RALGAPA2: variants seen among roughly 807,000 people sequenced by gnomAD.
RALGAPA2 encodes the protein ral GTPase-activating protein subunit alpha-2.
Under a neutral mutation model 230.4 loss-of-function variants are expected in RALGAPA2, and 139 were observed. The ratio of observed to expected loss-of-function variants is 0.60; its 90% CI spans 0.53 to 0.69. RALGAPA2 has a LOEUF of 0.69. Ranked by LOEUF, RALGAPA2 falls within the 30% of genes least tolerant of loss-of-function variation. RALGAPA2 has a pLI of 0.00. For synonymous variants in RALGAPA2, 847 were observed against 837.8 expected (o/e 1.01, Z -0.19); for missense variants, 2,163 against 2,276.0 (o/e 0.95, Z 1.01).
At chr20:20,646,371 TTTAACA>T (rs1365382650) in intron 4 of RALGAPA2, among the ~76,000 whole-genome samples, 3 of 152,232 alleles carry the variant, frequency 2.0e-5, no homozygotes, top group Non-Finnish European at 2.9e-5. Flanking sequence ...ATATTTCTAC[TTTAACA>T]TTATCAAGTC....
intron 37 of RALGAPA2, among the ~76,000 whole-genome samples, chr20:20,463,433 G>A (rs2123303879): frequency 6.6e-6 from 1 of 152,212 alleles, no homozygotes; most frequent in South Asian, 2.1e-4. Flanking sequence ...TGAAAACAAA[G>A]GAGCCGTGTG....
At chr20:20,464,094 G>C (rs768969669) in intron 37 of RALGAPA2, among the ~76,000 whole-genome samples, 2 of 152,120 alleles carry the variant, frequency 1.3e-5, no homozygotes, top group African/African-American at 2.4e-5. Flanking sequence ...TTTTGTGCTT[G>C]GTGAGATTTC....
chr20:20,659,335 A>G (rs2067693040), intron 3 of RALGAPA2, among the ~76,000 whole-genome samples: 1 of 152,140 alleles, frequency 6.6e-6, no homozygotes, highest in Non-Finnish European at 1.5e-5. Flanking sequence ...TACTACAATG[A>G]CTCAACTCTT....
chr20:20,480,878 A>C (rs2061757941), intron 36 of RALGAPA2, among the ~76,000 whole-genome samples: 1 of 152,184 alleles, frequency 6.6e-6, no homozygotes, highest in Admixed American at 6.5e-5. Flanking sequence ...CCCTCTCCTA[A>C]CATGATGACC....
intron 24 of RALGAPA2, among the ~76,000 whole-genome samples, chr20:20,541,706 T>C (rs1266124665): frequency 6.6e-6 from 1 of 152,156 alleles, no homozygotes; most frequent in Non-Finnish European, 1.5e-5. Flanking sequence ...CCACTGACTG[T>C]GGTAACTGAT....
intron 23 of RALGAPA2, among the ~76,000 whole-genome samples, chr20:20,566,881 C>T (rs541795029): frequency 1.4e-3 from 211 of 152,294 alleles, no homozygotes; most frequent in African/African-American, 5.0e-3. Flanking sequence ...TATGTTACTT[C>T]AGGGCAGAAC....
intron 35 of RALGAPA2, among the ~76,000 whole-genome samples, chr20:20,496,854 G>A (rs757842074): frequency 3.9e-5 from 6 of 152,114 alleles, no homozygotes; most frequent in Non-Finnish European, 7.4e-5. Context: ...ATACTTCTGG[G>A]AATGACTGTA....
At chr20:20,404,019 G>A (rs1283135896) in intron 38 of RALGAPA2, among the ~76,000 whole-genome samples, 1 of 152,190 alleles carries the variant, frequency 6.6e-6, no homozygotes, top group Non-Finnish European at 1.5e-5. Context: ...AAGGCAAGAG[G>A]AGCCTCTGCG....
intron 1 of RALGAPA2, among the ~76,000 whole-genome samples, chr20:20,681,444 T>C (rs1407267354): frequency 6.6e-6 from 1 of 152,150 alleles, no homozygotes; most frequent in African/African-American, 2.4e-5. Flanking sequence ...TGCGGATAGA[T>C]AGGCGGGGGT....
chr20:20,694,575 G>A (rs2069038028), intron 1 of RALGAPA2, among the ~76,000 whole-genome samples: 1 of 152,214 alleles, frequency 6.6e-6, no homozygotes, highest in African/African-American at 2.4e-5. Context: ...GCATGTGAAG[G>A]CCTGAAACTC....
chr20:20,574,042 T>G (rs887632489), intron 20 of RALGAPA2, among the ~76,000 whole-genome samples: 4 of 152,224 alleles, frequency 2.6e-5, no homozygotes, highest in Non-Finnish European at 5.9e-5. Context: ...CAAAGTGCTG[T>G]TACGGTTTGC....
At chr20:20,673,012 GTC>G (rs1201987216) in intron 3 of RALGAPA2, among the ~76,000 whole-genome samples, 2 of 151,662 alleles carry the variant, frequency 1.3e-5, no homozygotes, top group Non-Finnish European at 2.9e-5. Context: ...GTGAAAACCC[GTC>G]TCTACTAAAA....
chr20:20,497,561 C>T (rs1309147947), intron 35 of RALGAPA2, among the ~76,000 whole-genome samples: 1 of 152,194 alleles, frequency 6.6e-6, no homozygotes, highest in East Asian at 1.9e-4. Context: ...GATGTTGGTG[C>T]TCTAGTATCT....
intron 38 of RALGAPA2, among the ~76,000 whole-genome samples, chr20:20,411,125 G>C (rs1324909823): frequency 6.6e-6 from 1 of 152,116 alleles, no homozygotes; most frequent in Non-Finnish European, 1.5e-5. Context: ...AGAGACAATT[G>C]ACACAGGTTA....
At chr20:20,701,311 CTAAA>C (rs2069350505) in intron 1 of RALGAPA2, among the ~76,000 whole-genome samples, 2 of 150,174 alleles carry the variant, frequency 1.3e-5, no homozygotes, top group Admixed American at 1.3e-4. Flanking sequence ...ATAAAAAGTA[CTAAA>C]TAAATATTAT....
intron 36 of RALGAPA2, among the ~76,000 whole-genome samples, chr20:20,493,059 T>A (rs527667465): frequency 6.6e-6 from 1 of 152,230 alleles, no homozygotes; most frequent in Non-Finnish European, 1.5e-5. Flanking sequence ...GCTAACATTA[T>A]GGATATAAAA....
At chr20:20,583,282 T>G (rs746719485) in intron 19 of RALGAPA2, 56 bp from the exon 20 acceptor site, 5 of 1,508,124 alleles carry the variant, frequency 3.3e-6, no homozygotes, top group Non-Finnish European at 4.5e-6. Context: ...AATCAGAATG[T>G]TCACAATTAC....
intron 23 of RALGAPA2, among the ~76,000 whole-genome samples, chr20:20,547,793 T>C (rs1218199839): frequency 1.3e-5 from 2 of 152,232 alleles, no homozygotes; most frequent in Admixed American, 6.5e-5. Context: ...AATGTGCTGT[T>C]AGGCAATCTA....
intron 3 of RALGAPA2, among the ~76,000 whole-genome samples, chr20:20,663,314 T>C (rs549362423): frequency 6.6e-5 from 10 of 152,242 alleles, no homozygotes; most frequent in Non-Finnish European, 1.0e-4. Context: ...TAGTCCTCCC[T>C]TATGCTAGGG....
Sources: allele counts gnomAD v4.1 joint callset (sites outside exome capture counted in the v4.1 genomes callset), GRCh38; gene constraint gnomAD v4.1.1; transcripts MANE v1.5; gene names NCBI Gene and HGNC (gene_info 2026-07-23, HGNC 2026-07-21).